Variants in PDE10A observed in about 807,000 individuals in gnomAD.
PDE10A encodes the protein cAMP and cAMP-inhibited cGMP 3',5'-cyclic phosphodiesterase 10A.
In PDE10A, 39 loss-of-function variants were observed where a neutral mutation model predicts 97.7. The observed-to-expected ratio is 0.40, with a 90% CI of 0.31 to 0.52. The LOEUF (loss-of-function observed/expected upper bound fraction) is 0.52, where lower values mean the gene tolerates loss of function less well. PDE10A is among the 20% of genes least tolerant of loss of function. The pLI, the probability that PDE10A is intolerant of heterozygous loss-of-function variation, is 0.56. For synonymous variants in PDE10A, 371 were observed against 376.8 expected, an observed-to-expected ratio of 0.98 and a Z score of 0.18; for missense variants, 731 against 1,047.8, an observed-to-expected ratio of 0.70 and a Z score of 4.17.
At chr6:165,683,335 C>G (rs112980510) in intron 1 of PDE10A, among the ~76,000 whole-genome samples, 2 of 152,076 alleles carry the variant, frequency 1.3e-5, no homozygotes. Flanking sequence ...GCCCAGCCAA[C>G]GAGAATCCCA....
At chr6:165,857,698 CGTGTGTGTGTGTGT>C (rs775208021) in intron 1 of PDE10A, among the ~76,000 whole-genome samples, 1 of 123,448 alleles carries the variant, frequency 8.1e-6, no homozygotes, top group Non-Finnish European at 1.7e-5. Context: ...TCAACAGTTC[CGTGTGTGTGTGTGT>C]GTGTGTGTGT....
chr6:165,433,107 G>C lies in PDE10A; in HGVS notation c.1358C>G (p.Thr453Ser). ...ILGDERFPRG[T>S]GLESGTRIQS... ...GATACGAGTCCCTGATTCCAGTCCAGTACCTCTTGGAAATCGTTCATCCTG... is the reference window on the plus strand; with the variant it reads ...GATACGAGTCCCTGATTCCAGTCCACTACCTCTTGGAAATCGTTCATCCTG... The change falls in exon 7 of 22, where the codon ACT (threonine) becomes AGT (serine). Residue 453 changes from threonine (T) to serine (S), a missense_variant. Physicochemically the swap from Thr to Ser is moderately conservative, Grantham distance 58. This residue lies in a region of PDE10A where 152 missense variants were observed against 199.3 expected (regional missense o/e 0.76). Coordinates refer to ENST00000539869, the MANE Select transcript of PDE10A (RefSeq NM_001385079.1). 6.2e-7 allele frequency: 1 copy of C among 1,610,506 alleles called. No individual in the cohort carries two copies. The highest frequency in any genetic ancestry group is 2.2e-5 in the East Asian group (1 of 44,838).
intron 1 of PDE10A, chr6:165,949,808 G>T (rs1783895123): frequency 6.6e-6 from 1 of 152,106 alleles, no homozygotes; most frequent in Non-Finnish European, 1.5e-5. Context: ...CCAAAAAATG[G>T]AAAAACGAAC....
rs75740257 is a variant in PDE10A at position 165,762,451 on chromosome 6, T to G, written c.-614-218883A>C. Among the ~76,000 whole-genome samples, 974 of 151,666 alleles carry G rather than the reference T, an allele frequency of 6.4e-3. 10 individuals carry two copies. The highest frequency in any genetic ancestry group is 0.023 in the African/African-American group (933 of 41,260). ...CACTTTTTAAAAGGCTCATTACAAC[T>G]TACTGTACATCAGTGGTCTTTAGAT... On this transcript the variant is annotated intron_variant, in intron 1 of 19. Coordinates refer to the PDE10A transcript ENST00000366882.
At position 165,662,774 on chromosome 6, in the gene PDE10A, T is replaced by G. The variant is rs997121387; in HGVS notation, c.38A>C (p.Gln13Pro). 6.9e-6 allele frequency among the ~76,000 whole-genome samples: 1 copy of G among 144,434 alleles called. No homozygotes were observed. The highest frequency in any genetic ancestry group is 1.5e-5 in the Non-Finnish European group (1 of 65,598). 94.8% of individuals were successfully genotyped at this position (144,434 alleles called of 152,430 possible). Residue 13 changes from glutamine to proline, a missense_variant, in exon 1 of 22, where the codon CAG (glutamine) becomes CCG (proline). By Grantham distance (76) the Gln-to-Pro change is moderately conservative (BLOSUM62 -1). Around this residue, in one of 8 missense-constraint regions of PDE10A, gnomAD observed 181 missense variants for 159.1 expected, o/e 1.14. Transcript: ENST00000539869. ...GTCCCCGGCCGCTGGCAGGGGACCC[T>G]GGGGGCGGGGAGCAAGAGGCTCCTC... Reference protein sequence around the residue: ...SLEEPLAPRPQGPLPAAGDEP... With the variant: ...SLEEPLAPRPPGPLPAAGDEP...
At chr6:165,782,569 T>C (rs1583080790) in intron 1 of PDE10A, among the ~76,000 whole-genome samples, 2 of 152,310 alleles carry the variant, frequency 1.3e-5, no homozygotes, top group South Asian at 4.1e-4. Flanking sequence ...GAAATGAACA[T>C]TGGACTCAAT....
At chr6:165,911,065 T>C (rs912867833) in intron 1 of PDE10A, 2 of 152,220 alleles carry the variant, frequency 1.3e-5, no homozygotes, top group Admixed American at 1.3e-4. Context: ...ACAGCCTGAC[T>C]AATCCCGGGC....
At chr6:165,691,203 CCACA>C (rs1241239698) in intron 1 of PDE10A, among the ~76,000 whole-genome samples, 8 of 108,594 alleles carry the variant, frequency 7.4e-5, no homozygotes, top group Non-Finnish European at 1.2e-4. Flanking sequence ...CTCTCTCTCC[CCACA>C]CACACACACA....
chr6:165,927,657 T>TATATATATATATAC (rs1203418248), intron 1 of PDE10A, among the ~76,000 whole-genome samples: 1 of 114,158 alleles, frequency 8.8e-6, no homozygotes, highest in African/African-American at 3.3e-5. Context: ...CATATATATA[T>TATATATATATATAC]ATATATATAT....
At chr6:165,720,208 C>A (rs1028818551) in intron 1 of PDE10A, among the ~76,000 whole-genome samples, 2 of 151,920 alleles carry the variant, frequency 1.3e-5, no homozygotes, top group African/African-American at 4.8e-5. Context: ...AGAGGGTGTT[C>A]CTGTATTTTG....
At chr6:165,552,869 G>C (rs1358748462) in intron 1 of PDE10A, among the ~76,000 whole-genome samples, 1 of 152,102 alleles carries the variant, frequency 6.6e-6, no homozygotes, top group Non-Finnish European at 1.5e-5. Flanking sequence ...TGTCTTGTAT[G>C]ATTTCACAGA....
chr6:165,427,153 C>T (rs950869641), intron 10 of PDE10A, among the ~76,000 whole-genome samples: 3 of 152,028 alleles, frequency 2.0e-5, no homozygotes, highest in East Asian at 1.9e-4. Context: ...CAAACAAAAA[C>T]GTGTAGAGGC....
intron 1 of PDE10A, among the ~76,000 whole-genome samples, chr6:165,910,137 A>T (rs1382069596): frequency 6.6e-6 from 1 of 152,222 alleles, no homozygotes; most frequent in Non-Finnish European, 1.5e-5. Context: ...CAGTAAACAC[A>T]TGTGGCATGA....
chr6:165,575,601 C>T (rs1444147887), intron 1 of PDE10A, among the ~76,000 whole-genome samples: 4 of 152,164 alleles, frequency 2.6e-5, no homozygotes, highest in African/African-American at 9.6e-5. Flanking sequence ...CTAACACTTC[C>T]ACCAATCCTG....
At chr6:165,650,984 C>T (rs1490312979) in intron 1 of PDE10A, among the ~76,000 whole-genome samples, 1 of 152,214 alleles carries the variant, frequency 6.6e-6, no homozygotes, top group Non-Finnish European at 1.5e-5. Context: ...GATCCACCCA[C>T]CTCGGCCTCC....
intron 1 of PDE10A, among the ~76,000 whole-genome samples, chr6:165,786,368 A>G (rs1447658458): frequency 1.3e-5 from 2 of 152,220 alleles, no homozygotes; most frequent in Admixed American, 1.3e-4. Context: ...TAATTAGCAA[A>G]TGCAAATTCA....
chr6:165,906,922 G>A (rs553575497), intron 1 of PDE10A, among the ~76,000 whole-genome samples: 16 of 152,264 alleles, frequency 1.1e-4, no homozygotes, highest in African/African-American at 2.6e-4. Context: ...TATCCAAGAC[G>A]GCCTTCGCTC....
At chr6:165,873,727 A>T (rs954899512) in intron 1 of PDE10A, among the ~76,000 whole-genome samples, 1 of 152,230 alleles carries the variant, frequency 6.6e-6, no homozygotes, top group Non-Finnish European at 1.5e-5. Flanking sequence ...GATGCAAAAA[A>T]AATTGCCCTT....
At chr6:165,812,373 T>C (rs931233638) in intron 1 of PDE10A, among the ~76,000 whole-genome samples, 3 of 152,316 alleles carry the variant, frequency 2.0e-5, no homozygotes, top group South Asian at 2.1e-4. Context: ...AAATAACTTT[T>C]AATAACTTCA....
Sources: allele counts gnomAD v4.1 joint callset (sites outside exome capture counted in the v4.1 genomes callset), GRCh38; gene constraint gnomAD v4.1.1; regional missense constraint gnomAD v4.1.1; transcripts MANE v1.5; gene names NCBI Gene and HGNC (gene_info 2026-07-23, HGNC 2026-07-21).